The following CAMK2A variants were observed in gnomAD, a reference collection of about 807,000 sequenced individuals.
CAMK2A encodes calcium/calmodulin dependent protein kinase II alpha.
CAMK2A carries 7 observed loss-of-function variants against 79.2 expected under a neutral mutation model. The observed-to-expected ratio is 0.09, with a 90% CI of 0.05 to 0.17. The LOEUF (loss-of-function observed/expected upper bound fraction) is 0.17. Among genes scored for constraint, CAMK2A ranks in the 10% least tolerant of loss-of-function variants. The pLI, the probability that CAMK2A is intolerant of heterozygous loss-of-function variation, is 1.00. For missense variants in CAMK2A, 214 were observed against 646.4 expected (o/e 0.33, Z 7.25); for synonymous variants, 242 against 251.7 (o/e 0.96, Z 0.36).
chr5:150,241,867 T>C (rs1334398221), intron 13 of CAMK2A, among the ~76,000 whole-genome samples: 2 of 151,972 alleles, frequency 1.3e-5, no homozygotes, highest in East Asian at 3.9e-4. Flanking sequence ...CCTCCCTCCC[T>C]GGCTGGAGCC....
At chr5:150,270,099 G>T (rs916862332) in intron 2 of CAMK2A, among the ~76,000 whole-genome samples, 2 of 152,234 alleles carry the variant, frequency 1.3e-5, no homozygotes, top group African/African-American at 4.8e-5. Flanking sequence ...TGTGTGTGCA[G>T]TGGGGAGGAC....
intron 9 of CAMK2A, among the ~76,000 whole-genome samples, 191 bp from the exon 10 acceptor site, chr5:150,251,001 G>A (rs553029916): frequency 9.2e-5 from 14 of 152,330 alleles, no homozygotes; most frequent in Non-Finnish European, 1.9e-4. Context: ...ACACGGCAGA[G>A]GGAAAGGAGG....
At chr5:150,282,996 C>T (rs1279516573) in intron 1 of CAMK2A, among the ~76,000 whole-genome samples, 1 of 152,242 alleles carries the variant, frequency 6.6e-6, no homozygotes, top group Non-Finnish European at 1.5e-5. Flanking sequence ...TCTAGGGCCC[C>T]TCAGGCCCCA....
At chr5:150,260,917 T>C (rs1055118041) in intron 3 of CAMK2A, among the ~76,000 whole-genome samples, 2 of 152,180 alleles carry the variant, frequency 1.3e-5, no homozygotes, top group Non-Finnish European at 2.9e-5. Flanking sequence ...GGCCATCATC[T>C]CTAACCTCCC....
At chr5:150,242,241 A>G (rs1268437800) in intron 13 of CAMK2A, among the ~76,000 whole-genome samples, 1 of 152,206 alleles carries the variant, frequency 6.6e-6, no homozygotes, top group African/African-American at 2.4e-5. Context: ...CCAGTACTTT[A>G]GTTTGATTTA....
rs138460659 is a variant in CAMK2A at position 150,237,127 on chromosome 5, G to C, written c.1066+1573C>G. On this transcript the variant is annotated intron_variant, in intron 15 of 18. Coordinates refer to ENST00000671881, the MANE Select transcript of CAMK2A (RefSeq NM_015981.4). The stretch of plus-strand genomic sequence containing the variant: ...GAGTACCCACCACCGCCCAGGTTGG[G>C]AATGACCAGGAAGGGACACACACGG... Among the ~76,000 whole-genome samples, 843 of 152,244 alleles carry C rather than the reference G, an allele frequency of 5.5e-3. 8 individuals carry two copies. Among genetic ancestry groups the C allele is most frequent in the African/African-American group, 0.019 (801 of 41,544 alleles).
At chr5:150,278,307 A>G (rs941874371) in intron 1 of CAMK2A, among the ~76,000 whole-genome samples, 2 of 152,042 alleles carry the variant, frequency 1.3e-5, no homozygotes, top group African/African-American at 4.8e-5. Context: ...ATCAGAGGAA[A>G]GTCATAGCCA....
At chr5:150,246,885 G>C (rs1257616954) in intron 12 of CAMK2A, among the ~76,000 whole-genome samples, 2 of 152,234 alleles carry the variant, frequency 1.3e-5, no homozygotes, top group Non-Finnish European at 2.9e-5. Flanking sequence ...ATCTGCAGCA[G>C]CTTTCTCGGC....
chr5:150,280,528 C>T (rs777499589), intron 1 of CAMK2A, among the ~76,000 whole-genome samples: 1 of 152,146 alleles, frequency 6.6e-6, no homozygotes, highest in South Asian at 2.1e-4. Flanking sequence ...CGACATCCGC[C>T]GCCTCCTCTT....
intron 3 of CAMK2A, among the ~76,000 whole-genome samples, chr5:150,262,509 G>A (rs924773084): frequency 6.6e-6 from 1 of 152,004 alleles, no homozygotes; most frequent in Non-Finnish European, 1.5e-5. Flanking sequence ...TCCCGCCTGC[G>A]CATCGCCACC....
At chr5:150,267,364 A>G (rs1372074770) in intron 2 of CAMK2A, among the ~76,000 whole-genome samples, 1 of 152,206 alleles carries the variant, frequency 6.6e-6, no homozygotes, top group Admixed American at 6.5e-5. Context: ...TAGGCTATAC[A>G]TTCAGGAAGC....
intron 2 of CAMK2A, among the ~76,000 whole-genome samples, chr5:150,272,402 T>C (rs1184641755): frequency 6.6e-6 from 1 of 151,960 alleles, no homozygotes; most frequent in Non-Finnish European, 1.5e-5. Flanking sequence ...CCATCGCTAC[T>C]AAAAATACAA....
At chr5:150,259,371 T>C (rs1756202992) in intron 3 of CAMK2A, among the ~76,000 whole-genome samples, 1 of 151,506 alleles carries the variant, frequency 6.6e-6, no homozygotes, top group South Asian at 2.1e-4. Flanking sequence ...AATACAAAAA[T>C]TAGTTGGGCA....
intron 2 of CAMK2A, among the ~76,000 whole-genome samples, chr5:150,266,767 T>G (rs975908197): frequency 2.0e-5 from 3 of 151,968 alleles, no homozygotes; most frequent in African/African-American, 7.3e-5. Context: ...AATAGAAAAA[T>G]TAAGACCCAC....
upstream of CAMK2A, chr5:150,289,936 T>G: frequency 1.5e-5 from 6 of 402,250 alleles, no homozygotes; most frequent in South Asian, 3.2e-5. Context: ...GCCCTGACCA[T>G]ACCGCACACA....
At chr5:150,282,354 T>C (rs1757252012) in intron 1 of CAMK2A, among the ~76,000 whole-genome samples, 1 of 152,248 alleles carries the variant, frequency 6.6e-6, no homozygotes, top group Non-Finnish European at 1.5e-5. Context: ...GCAAGGGTTT[T>C]TTTGTATGGG....
In CAMK2A at chr5:150,256,947, A is replaced by T. The variant is rs1304787782; in HGVS notation, c.273-116T>A. The T allele has an allele frequency of 2.4e-6, 2 of 836,566 alleles. No homozygotes were observed. The highest frequency in any genetic ancestry group is 3.4e-5 in the African/African-American group (2 of 58,144). The allele number at this position is 836,566 out of a possible 1,614,324, so 51.8% of individuals were successfully genotyped here. A position where few individuals can be genotyped will look rare whatever the true frequency, so the allele number is the denominator to read the frequency against. ...AGGGACCTCAGGACCTCAGCCACAA[A>T]AGGAGGGGCCCCAGGGTCACGGGGG... On this transcript the variant is annotated intron_variant, in intron 4 of 18. Transcript: ENST00000671881. This position sits in a 1 kb window ranked among gnomAD's most constrained non-coding sequence, Gnocchi z 4.6.
intron 10 of CAMK2A, 35 bp downstream of exon 10, chr5:150,250,653 G>A (rs909455725): frequency 1.2e-6 from 2 of 1,612,688 alleles, no homozygotes; most frequent in Non-Finnish European, 1.7e-6. Flanking sequence ...GGTCTGGAGG[G>A]GCTCCTGGGA....
At chr5:150,281,689 G>A (rs1450589855) in intron 1 of CAMK2A, among the ~76,000 whole-genome samples, 1 of 152,218 alleles carries the variant, frequency 6.6e-6, no homozygotes, top group African/African-American at 2.4e-5. Flanking sequence ...GAAAATAGCA[G>A]CATTCTGCGT....
Sources: gnomAD v4.1 joint callset for allele counts (sites outside exome capture counted in the v4.1 genomes callset) on GRCh38, gnomAD v4.1.1 for gene constraint, Gnocchi (gnomAD v3.1) non-coding constraint, MANE v1.5 for transcripts, NCBI Gene and HGNC (gene_info 2026-07-23, HGNC 2026-07-21) for gene names.